The following CADPS variants were observed in gnomAD, a reference collection of about 807,000 sequenced individuals.
The protein encoded by CADPS is calcium dependent secretion activator.
Under a neutral mutation model 167.3 loss-of-function variants are expected in CADPS, and 57 were observed. The observed-to-expected ratio is 0.34, with a 90% CI of 0.28 to 0.42. The LOEUF (loss-of-function observed/expected upper bound fraction) is 0.42, where lower values mean the gene tolerates loss of function less well. Among genes scored for constraint, CADPS ranks in the 20% least tolerant of loss-of-function variants. The pLI is 1.00. For missense variants in CADPS, 1,414 were observed against 1,738.1 expected, an observed-to-expected ratio of 0.81 and a Z score of 3.32; for synonymous variants, 676 against 635.3, an observed-to-expected ratio of 1.06 and a Z score of -0.96.
At chr3:62,666,305 A>G (rs985823017) in intron 3 of CADPS, among the ~76,000 whole-genome samples, 7 of 152,188 alleles carry the variant, frequency 4.6e-5, no homozygotes, top group Non-Finnish European at 8.8e-5. Flanking sequence ...ATAGCTTGGC[A>G]TGATAGAGAA....
At chr3:62,798,551 G>A (rs1167517042) in intron 1 of CADPS, among the ~76,000 whole-genome samples, 1 of 152,048 alleles carries the variant, frequency 6.6e-6, no homozygotes, top group Non-Finnish European at 1.5e-5. Flanking sequence ...GATTGTGTGA[G>A]TCAATAATCC....
chr3:62,688,505 C>G (rs1462082372), intron 3 of CADPS, among the ~76,000 whole-genome samples: 1 of 152,028 alleles, frequency 6.6e-6, no homozygotes, highest in African/African-American at 2.4e-5. Context: ...TGTGCCACTG[C>G]AAACAGGAAG....
At chr3:62,781,566 AG>A (rs2152658916) in intron 1 of CADPS, among the ~76,000 whole-genome samples, 1 of 152,274 alleles carries the variant, frequency 6.6e-6, no homozygotes, top group South Asian at 2.1e-4. Flanking sequence ...AGAAATGGAC[AG>A]GGGAGCAATG....
intron 3 of CADPS, among the ~76,000 whole-genome samples, chr3:62,691,926 C>T (rs916167093): frequency 2.0e-5 from 3 of 151,596 alleles, no homozygotes; most frequent in African/African-American, 7.3e-5. Flanking sequence ...TACCCCTGAA[C>T]TAAAAATAAA....
At chr3:62,825,475 C>G (rs578211205) in intron 1 of CADPS, among the ~76,000 whole-genome samples, 18 of 152,196 alleles carry the variant, frequency 1.2e-4, no homozygotes, top group African/African-American at 4.3e-4. Flanking sequence ...AGCAAGCCCC[C>G]CAGGTAATTC....
chr3:62,492,674 A>G (rs2063949999), intron 19 of CADPS, among the ~76,000 whole-genome samples: 1 of 152,164 alleles, frequency 6.6e-6, no homozygotes, highest in Non-Finnish European at 1.5e-5. Flanking sequence ...ATTCTGACCT[A>G]TGGGTCAGAG....
rs528981682 is a variant in CADPS at position 62,425,875 on chromosome 3, G to A, written c.3777+12229C>T. Among the ~76,000 whole-genome samples the A allele has an allele frequency of 1.2e-4, 18 of 152,224 alleles. No homozygotes were observed. The East Asian group carries it at 2.1e-3, about 18-fold the overall frequency. On this transcript the variant is annotated intron_variant, in intron 28 of 29. Transcript: ENST00000383710. Reference sequence around the variant, plus strand: ...CTAAGCATAGACTCCTGCCTCTTTCGCCTCCCCAAATCCTGGACATCTGTA... The same window carrying A: ...CTAAGCATAGACTCCTGCCTCTTTCACCTCCCCAAATCCTGGACATCTGTA...
intron 6 of CADPS, among the ~76,000 whole-genome samples, chr3:62,612,899 A>G (rs1451829546): frequency 6.6e-6 from 1 of 152,228 alleles, no homozygotes; most frequent in African/African-American, 2.4e-5. Context: ...GCAAGACTCA[A>G]ATGAATAAGA....
chr3:62,647,590 T>A (rs2068875782), intron 5 of CADPS, among the ~76,000 whole-genome samples: 1 of 152,168 alleles, frequency 6.6e-6, no homozygotes, highest in Admixed American at 6.5e-5. Flanking sequence ...TCCTGATCTG[T>A]AAAGTGGGAA....
At chr3:62,558,148 AG>A (rs776259416) in intron 9 of CADPS, among the ~76,000 whole-genome samples, 1 of 152,258 alleles carries the variant, frequency 6.6e-6, no homozygotes, top group Non-Finnish European at 1.5e-5. Flanking sequence ...AGACAAGTGC[AG>A]GAGTGACATG....
rs188553598 is a variant in CADPS, at chr3:62,443,203, G to A, written c.3669+2562C>T. ...TAAATCTCAGCTCTTCTACTAACCC[G>A]ATGTGGGATCCTGAGCAAATTAACT... On this transcript the variant is annotated intron_variant, in intron 27 of 29. Transcript: ENST00000383710. Among the ~76,000 whole-genome samples, 46 of 152,284 alleles carry A rather than the reference G, an allele frequency of 3.0e-4. No individual in the cohort carries two copies. The East Asian group carries it at 8.3e-3, about 27-fold the overall frequency.
intron 28 of CADPS, among the ~76,000 whole-genome samples, chr3:62,436,474 T>C (rs913984082): frequency 1.3e-5 from 2 of 152,230 alleles, no homozygotes; most frequent in Non-Finnish European, 2.9e-5. Context: ...GGGCAGAGTG[T>C]CCACACTCCT....
chr3:62,721,954 A>C (rs1245918129), intron 3 of CADPS, among the ~76,000 whole-genome samples: 2 of 152,208 alleles, frequency 1.3e-5, no homozygotes, highest in African/African-American at 4.8e-5. Context: ...ACATAAGAAC[A>C]TCACCACAGT....
intron 9 of CADPS, among the ~76,000 whole-genome samples, chr3:62,557,946 A>G (rs1045776409): frequency 2.0e-5 from 3 of 152,248 alleles, no homozygotes; most frequent in African/African-American, 7.2e-5. Flanking sequence ...GCCTTGGCTG[A>G]GACTGCCATG....
intron 4 of CADPS, 21 bp downstream of exon 4, chr3:62,662,293 A>G: frequency 6.2e-7 from 1 of 1,608,186 alleles, no homozygotes. Flanking sequence ...ACCCCAGCAA[A>G]CAACCACAAT....
chr3:62,726,927 T>C lies in CADPS; in HGVS notation c.888+26514A>G, dbSNP rs1039491866. 3.3e-5 allele frequency among the ~76,000 whole-genome samples: 5 copies of C among 151,854 alleles called. No homozygotes were observed. In the South Asian group the frequency reaches 1.0e-3, roughly 31 times the overall value. ...GTACAGGTTTTTGCACGCATCTCTT[T>C]AAAAAGAAGTCATTGCTTTAAGATC... is the stretch of plus-strand genomic sequence containing the variant. On this transcript the variant is annotated intron_variant, in intron 3 of 29. Coordinates refer to ENST00000383710, the MANE Select transcript of CADPS (RefSeq NM_003716.4).
rs2083142186 is a variant in CADPS at position 62,753,367 on chromosome 3, A to T, written c.888+74T>A. On this transcript the variant is annotated intron_variant, in intron 3 of 29. Transcript: ENST00000383710. This position sits in a 1 kb window ranked among gnomAD's most constrained non-coding sequence, Gnocchi z 4.6. The stretch of plus-strand genomic sequence containing the variant: ...TTTTAATCCTTTTTTTAAAAAAATC[A>T]AGAAGTATCTCATAGAAGTTGGAAT... 3 of 1,120,284 alleles carry T rather than the reference A, an allele frequency of 2.7e-6. No homozygotes were observed. The Admixed American group carries it at 6.9e-5, about 26-fold the overall frequency. The allele number at this position is 1,120,284 out of a possible 1,614,324, so 69.4% of individuals were successfully genotyped here. A position where few individuals can be genotyped will look rare whatever the true frequency, so the allele number is the denominator to read the frequency against.
chr3:62,873,740 G>C (rs1312970479), intron 1 of CADPS, among the ~76,000 whole-genome samples: 1 of 151,538 alleles, frequency 6.6e-6, no homozygotes, highest in African/African-American at 2.4e-5. Flanking sequence ...ACTTTATCAA[G>C]GCAGCAGTGG....
chr3:62,427,702 T>C (rs1242988546), intron 28 of CADPS, among the ~76,000 whole-genome samples: 1 of 152,204 alleles, frequency 6.6e-6, no homozygotes, highest in Non-Finnish European at 1.5e-5. Context: ...ACCTAATAAC[T>C]GAGTCTTTTC....
Sources: gnomAD v4.1 joint callset for allele counts (sites outside exome capture counted in the v4.1 genomes callset) on GRCh38, gnomAD v4.1.1 for gene constraint, Gnocchi (gnomAD v3.1) non-coding constraint, MANE v1.5 for transcripts, NCBI Gene and HGNC (gene_info 2026-07-23, HGNC 2026-07-21) for gene names.